Variants in ARHGAP22 observed in about 807,000 individuals in gnomAD.
ARHGAP22 encodes the protein Rho GTPase activating protein 22.
Under a neutral mutation model 59.1 loss-of-function variants are expected in ARHGAP22, and 48 were observed. The ratio of observed to expected loss-of-function variants is 0.81; its 90% CI spans 0.64 to 1.03. The LOEUF is 1.03. ARHGAP22 is among the 50% of genes least tolerant of loss of function. The pLI is 0.00. For synonymous variants in ARHGAP22, 445 were observed against 416.4 expected, an observed-to-expected ratio of 1.07 and a Z score of -0.84; for missense variants, 1,015 against 958.7, an observed-to-expected ratio of 1.06 and a Z score of -0.78.
At chr10:48,469,636 G>A (rs558166551) in intron 4 of ARHGAP22, among the ~76,000 whole-genome samples, 4 of 152,340 alleles carry the variant, frequency 2.6e-5, no homozygotes, top group African/African-American at 9.6e-5. Flanking sequence ...TTACCCTGGA[G>A]GTGGGCTGCG....
intron 2 of ARHGAP22, among the ~76,000 whole-genome samples, chr10:48,578,952 T>G (rs1288953727): frequency 6.6e-6 from 1 of 152,140 alleles, no homozygotes; most frequent in Non-Finnish European, 1.5e-5. Flanking sequence ...TGTTTATTCC[T>G]CTCTCTTTTT....
chr10:48,545,203 A>G (rs1037089395), intron 3 of ARHGAP22, among the ~76,000 whole-genome samples: 1 of 152,238 alleles, frequency 6.6e-6, no homozygotes, highest in Non-Finnish European at 1.5e-5. Flanking sequence ...ATATTTTCAC[A>G]TGTGTACTCA....
intron 7 of ARHGAP22, 34 bp from the exon 8 acceptor site, chr10:48,453,459 G>A: frequency 1.2e-6 from 2 of 1,611,756 alleles, no homozygotes; most frequent in African/African-American, 2.7e-5. Flanking sequence ...CATCAAAGAA[G>A]CAAGTTGTGA....
chr10:48,551,007 C>G (rs935266), intron 3 of ARHGAP22, among the ~76,000 whole-genome samples: 90,322 of 152,076 alleles, frequency 0.59, 28,136 homozygotes, highest in East Asian at 0.98. Context: ...GTGGCCCTCA[C>G]GGACTGGGGT....
chr10:48,513,228 G>A (rs2052964880), intron 3 of ARHGAP22, among the ~76,000 whole-genome samples: 1 of 152,216 alleles, frequency 6.6e-6, no homozygotes, highest in African/African-American at 2.4e-5. Context: ...GGGCAAACAA[G>A]AGCTGGCCAA....
intron 1 of ARHGAP22, among the ~76,000 whole-genome samples, chr10:48,644,202 CA>C (rs1359800115): frequency 1.3e-5 from 2 of 151,990 alleles, no homozygotes; most frequent in African/African-American, 4.8e-5. Context: ...GAATATTTAA[CA>C]ATGAAAAACA....
rs917657570 is a variant in ARHGAP22, at chr10:48,474,629, A to G, written c.451+5007T>C. ...CTTCTATTCCTAGGGATAGAATAGA[A>G]GTTCACTTCTATTCCTAGTTTCTGG... On this transcript the variant is annotated intron_variant, in intron 4 of 9. Transcript: ENST00000249601. 2.6e-5 allele frequency among the ~76,000 whole-genome samples: 4 copies of G among 152,190 alleles called. No individual in the cohort carries two copies. The East Asian group carries it at 7.7e-4, about 29-fold the overall frequency.
At chr10:48,463,148 A>C (rs756047458) in intron 4 of ARHGAP22, among the ~76,000 whole-genome samples, 11 of 152,130 alleles carry the variant, frequency 7.2e-5, no homozygotes, top group Non-Finnish European at 1.5e-4. Flanking sequence ...AAAAAGCAAC[A>C]ATTGCAGAGC....
intron 1 of ARHGAP22, among the ~76,000 whole-genome samples, chr10:48,625,619 G>A (rs985700783): frequency 6.6e-6 from 1 of 151,910 alleles, no homozygotes; most frequent in African/African-American, 2.4e-5. Flanking sequence ...AAGGATGTCT[G>A]ATTCTAGCAG....
chr10:48,450,980 G>T lies in ARHGAP22; in HGVS notation c.1149C>A (p.Pro383=). The change falls in exon 9 of 10, where the codon CCC becomes CCA. Residue 383 remains proline (P), a synonymous_variant. Coordinates refer to ENST00000249601, the MANE Select transcript of ARHGAP22 (RefSeq NM_021226.4). ...TGTGCGCGGGCAGGCCGGGGCCGCC[G>T]GGCTCTCCTTGGCTGTCCCTGGTGA... ...EEVTRDSQGE[P]GGPGLPAHRT... 1 of 1,563,668 alleles carries T rather than the reference G, an allele frequency of 6.4e-7. No individual in the cohort carries two copies. Among genetic ancestry groups the T allele is most frequent in the Non-Finnish European group, 8.7e-7 (1 of 1,154,778 alleles).
intron 2 of ARHGAP22, among the ~76,000 whole-genome samples, chr10:48,567,401 G>C (rs1564897242): frequency 2.0e-5 from 3 of 152,044 alleles, no homozygotes; most frequent in African/African-American, 7.2e-5. Context: ...CGGCCTTGGT[G>C]GCAGCCCAGG....
intron 1 of ARHGAP22, among the ~76,000 whole-genome samples, chr10:48,625,555 G>C (rs1180020818): frequency 6.6e-6 from 1 of 152,190 alleles, no homozygotes; most frequent in African/African-American, 2.4e-5. Context: ...GAAGAGCCAT[G>C]CCTTCCAGTG....
chr10:48,527,206 T>C (rs1233925275), intron 3 of ARHGAP22, among the ~76,000 whole-genome samples: 1 of 151,964 alleles, frequency 6.6e-6, no homozygotes, highest in Non-Finnish European at 1.5e-5. Context: ...CATGGATGGA[T>C]GGATGGGCAG....
At chr10:48,640,154 C>T (rs367740022) in intron 1 of ARHGAP22, among the ~76,000 whole-genome samples, 14 of 152,100 alleles carry the variant, frequency 9.2e-5, no homozygotes, top group South Asian at 4.2e-4. Flanking sequence ...ACAGAGTTAT[C>T]GAAATTAGCG....
intron 3 of ARHGAP22, among the ~76,000 whole-genome samples, chr10:48,527,368 G>C (rs2054419896): frequency 6.6e-6 from 1 of 152,086 alleles, no homozygotes; most frequent in Admixed American, 6.5e-5. Flanking sequence ...TGAATGGATG[G>C]GTGGATGGAT....
chr10:48,524,373 GC>G (rs1336167021), intron 3 of ARHGAP22: 6 of 153,134 alleles, frequency 3.9e-5, no homozygotes, highest in Admixed American at 2.0e-4. Context: ...GCGCGCCGGG[GC>G]GGCCCCGCGC....
At chr10:48,525,020 G>T (rs1564818468) in intron 3 of ARHGAP22, among the ~76,000 whole-genome samples, 1 of 152,210 alleles carries the variant, frequency 6.6e-6, no homozygotes, top group Non-Finnish European at 1.5e-5. Flanking sequence ...TTGCAAGTGT[G>T]AGCTATCATC....
chr10:48,453,185 T>TGAGCCACCC, intron 8 of ARHGAP22, 119 bp downstream of exon 8: 1 of 1,425,556 alleles, frequency 7.0e-7, no homozygotes. Context: ...ATGTGCCACC[T>TGAGCCACCC]GAGCCACCCC....
At chr10:48,547,861 A>G (rs2056581297) in intron 3 of ARHGAP22, among the ~76,000 whole-genome samples, 1 of 152,190 alleles carries the variant, frequency 6.6e-6, no homozygotes. Flanking sequence ...TGTGACACTC[A>G]GCCCTGCAGA....
Sources: allele counts gnomAD v4.1 joint callset (sites outside exome capture counted in the v4.1 genomes callset), GRCh38; gene constraint gnomAD v4.1.1; transcripts MANE v1.5; gene names NCBI Gene and HGNC (gene_info 2026-07-23, HGNC 2026-07-21).